The following NF2 variants were observed in gnomAD, a reference collection of about 807,000 sequenced individuals.
NF2 encodes merlin.
NF2 carries 8 observed loss-of-function variants against 83.7 expected under a neutral mutation model. The observed-to-expected ratio is 0.10, with a 90% confidence interval of 0.06 to 0.17. The LOEUF is 0.17. NF2 is among the 10% of genes least tolerant of loss of function. The probability of loss-of-function intolerance (pLI) is 1.00; values close to 1 mark genes in which losing one functional copy is unlikely to be tolerated. For synonymous variants in NF2, 266 were observed against 269.6 expected (o/e 0.99, Z 0.13); for missense variants, 533 against 744.4 (o/e 0.72, Z 3.31).
intron 15 of NF2, 112 bp downstream of exon 15, chr22:29,681,713 G>A (rs761897300): frequency 3.8e-5 from 52 of 1,357,028 alleles, no homozygotes; most frequent in Non-Finnish European, 1.1e-5. Flanking sequence ...GGCATCTTTT[G>A]TATGTACTTA....
At chr22:29,621,223 G>C (rs999865238) in intron 1 of NF2, among the ~76,000 whole-genome samples, 9 of 152,196 alleles carry the variant, frequency 5.9e-5, no homozygotes, top group African/African-American at 1.9e-4. Flanking sequence ...AGGCAGCATA[G>C]CCTAGAGATT....
intron 4 of NF2, among the ~76,000 whole-genome samples, chr22:29,651,377 T>A (rs2146951643): frequency 6.6e-6 from 1 of 152,328 alleles, no homozygotes; most frequent in Admixed American, 6.5e-5. Flanking sequence ...GGTCTGAATT[T>A]TAATAATTTA....
At chr22:29,691,273 G>A (rs539071671) in intron 15 of NF2, among the ~76,000 whole-genome samples, 61 of 152,324 alleles carry the variant, frequency 4.0e-4, no homozygotes, top group Non-Finnish European at 4.1e-4. Context: ...GGACATTTTT[G>A]TTTGGAATTC....
At chr22:29,626,887 A>C (rs757428678) in intron 1 of NF2, among the ~76,000 whole-genome samples, 1 of 152,210 alleles carries the variant, frequency 6.6e-6, no homozygotes, top group Non-Finnish European at 1.5e-5. Context: ...AGTATATCAC[A>C]CATTTGTAAT....
chr22:29,603,648 C>A lies in NF2; in HGVS notation c.-351C>A. ...GCGCGGCCCCGTGACCCTAGTCGGC[C>A]GCTGAGAGGCGCGCGGAGTCTGGGC... On this transcript the variant is annotated 5_prime_UTR_variant, in exon 1 of 16. Coordinates refer to ENST00000338641, the MANE Select transcript of NF2 (RefSeq NM_000268.4). 2.5e-6 allele frequency: 1 copy of A among 407,616 alleles called. No homozygotes were observed. Among genetic ancestry groups the A allele is most frequent in the Non-Finnish European group, 4.3e-6 (1 of 231,760 alleles). 25.2% of individuals were successfully genotyped at this position (407,616 alleles called of 1,614,324 possible).
At chr22:29,624,367 C>G (rs767508829) in intron 1 of NF2, among the ~76,000 whole-genome samples, 18 of 152,096 alleles carry the variant, frequency 1.2e-4, no homozygotes, top group Non-Finnish European at 2.5e-4. Context: ...ACCACCACGC[C>G]TAGCTAATTT....
chr22:29,654,965 G>GT (rs1201070500), intron 5 of NF2, among the ~76,000 whole-genome samples: 3 of 152,158 alleles, frequency 2.0e-5, no homozygotes, highest in Admixed American at 1.3e-4. Context: ...TAGCGTGGTT[G>GT]TTTTTTCAGA....
chr22:29,684,001 C>T, intron 15 of NF2: 1 of 850,484 alleles, frequency 1.2e-6, no homozygotes. Context: ...TGGAGTCTTC[C>T]CTGCAGTTTC....
At chr22:29,644,739 C>T (rs1376486943) in intron 4 of NF2, among the ~76,000 whole-genome samples, 12 of 152,178 alleles carry the variant, frequency 7.9e-5, no homozygotes, top group African/African-American at 1.7e-4. Context: ...GCCAACACAG[C>T]GAAACCCCGT....
chr22:29,632,604 G>A (rs780150432), intron 1 of NF2, among the ~76,000 whole-genome samples: 21 of 152,204 alleles, frequency 1.4e-4, no homozygotes, highest in African/African-American at 4.1e-4. Context: ...ACCTTGGGCG[G>A]TGCTTGGACA....
intron 4 of NF2, among the ~76,000 whole-genome samples, chr22:29,646,850 C>T (rs2065995551): frequency 6.6e-6 from 1 of 152,168 alleles, no homozygotes; most frequent in South Asian, 2.1e-4. Flanking sequence ...TCTAGACCAG[C>T]CTGACCAATG....
intron 4 of NF2, among the ~76,000 whole-genome samples, chr22:29,644,339 C>T (rs1361000924): frequency 6.0e-5 from 9 of 149,138 alleles, no homozygotes; most frequent in Non-Finnish European, 1.3e-4. Context: ...CGGGCAGAGA[C>T]GCTCCTCACT....
chr22:29,622,877 A>C lies in NF2; in HGVS notation c.115-13874A>C, dbSNP rs372609210. ...CACCATGTTGGCCAGGACGGTCTCG[A>C]TCTCCTGACCTTGTGATCAGCCTGC... is the stretch of plus-strand genomic sequence containing the variant. On this transcript the variant is annotated intron_variant, in intron 1 of 15. Coordinates refer to ENST00000338641, the MANE Select transcript of NF2 (RefSeq NM_000268.4). Among the ~76,000 whole-genome samples, 65 of 148,562 alleles carry C rather than the reference A, an allele frequency of 4.4e-4. 1 individual carries two copies. In the East Asian group the frequency reaches 0.011, roughly 25 times the overall value.
chr22:29,649,657 A>C (rs2066087353), intron 4 of NF2, among the ~76,000 whole-genome samples: 1 of 152,024 alleles, frequency 6.6e-6, no homozygotes, highest in Non-Finnish European at 1.5e-5. Flanking sequence ...CACGAGAATC[A>C]CTTGAACCCA....
chr22:29,616,700 C>T (rs926297161), intron 1 of NF2, among the ~76,000 whole-genome samples: 4 of 151,492 alleles, frequency 2.6e-5, no homozygotes, highest in Non-Finnish European at 5.9e-5. Flanking sequence ...TGAGATCACG[C>T]CGTTGCACTC....
At chr22:29,691,625 C>T (rs915228806) in intron 15 of NF2, among the ~76,000 whole-genome samples, 3 of 152,228 alleles carry the variant, frequency 2.0e-5, no homozygotes, top group Non-Finnish European at 4.4e-5. Flanking sequence ...ATACTTCCTG[C>T]CTATGGGTGT....
intron 1 of NF2, among the ~76,000 whole-genome samples, chr22:29,624,415 C>G (rs145784353): frequency 6.6e-6 from 1 of 152,140 alleles, no homozygotes; most frequent in Admixed American, 6.5e-5. Context: ...GCCATGTTGG[C>G]TAGGCTGGCC....
intron 10 of NF2, 72 bp from the exon 11 acceptor site, chr22:29,671,754 T>A (rs558385168): frequency 6.2e-7 from 1 of 1,608,656 alleles, no homozygotes; most frequent in East Asian, 2.2e-5. Context: ...AGATGGGGCA[T>A]CTTTGGGCCC....
intron 10 of NF2, among the ~76,000 whole-genome samples, chr22:29,670,251 G>GC (rs540319070): frequency 4.7e-4 from 71 of 152,170 alleles, no homozygotes; most frequent in African/African-American, 1.6e-3. Context: ...TCCTACTTCA[G>GC]CCCCCCAAAG....
Sources: gnomAD v4.1 joint callset for allele counts (sites outside exome capture counted in the v4.1 genomes callset) on GRCh38, gnomAD v4.1.1 for gene constraint, MANE v1.5 for transcripts, NCBI Gene and HGNC (gene_info 2026-07-23, HGNC 2026-07-21) for gene names.